The following PRDM6 variants were observed in gnomAD, a reference collection of about 807,000 sequenced individuals.
The protein encoded by PRDM6 is putative histone-lysine N-methyltransferase PRDM6.
In PRDM6, 25 loss-of-function variants were observed where a neutral mutation model predicts 60.8. That is an observed-to-expected ratio of 0.41 (90% confidence interval 0.30 to 0.57). The LOEUF (loss-of-function observed/expected upper bound fraction) is 0.57, where lower values mean the gene tolerates loss of function less well. Ranked by LOEUF, PRDM6 falls within the 20% of genes least tolerant of loss-of-function variation. The pLI is 0.27. For synonymous variants in PRDM6, 407 were observed against 357.4 expected, an observed-to-expected ratio of 1.14 and a Z score of -1.57; for missense variants, 839 against 821.3, an observed-to-expected ratio of 1.02 and a Z score of -0.26.
In PRDM6 at chr5:123,133,567, G is replaced by C. The variant is rs1009447516; in HGVS notation, c.901-22317G>C. Among the ~76,000 whole-genome samples the C allele has an allele frequency of 9.9e-5, 15 of 152,006 alleles. 1 individual carries two copies. The highest frequency in any genetic ancestry group is 2.2e-4 in the Non-Finnish European group (15 of 67,940). On this transcript the variant is annotated intron_variant, in intron 3 of 7. Coordinates refer to ENST00000407847, the MANE Select transcript of PRDM6 (RefSeq NM_001136239.4). The stretch of plus-strand genomic sequence containing the variant: ...TTAGCATGAACCTTTTGATAAATTG[G>C]ATCCTGATATTTACAAAATCTATTA...
At chr5:123,148,483 A>G (rs1191412922) in intron 3 of PRDM6, among the ~76,000 whole-genome samples, 1 of 152,182 alleles carries the variant, frequency 6.6e-6, no homozygotes, top group Non-Finnish European at 1.5e-5. Flanking sequence ...AATGTATAAT[A>G]TATATTTGAG....
intron 3 of PRDM6, among the ~76,000 whole-genome samples, chr5:123,111,524 C>G (rs1764311669): frequency 6.6e-6 from 1 of 152,168 alleles, no homozygotes; most frequent in African/African-American, 2.4e-5. Flanking sequence ...CGGTGAAACC[C>G]CGTCTTTACT....
Position 123,188,599 on chromosome 5 carries a change from G to A in PRDM6, c.*1398G>A, listed in dbSNP as rs1766339603. ...TAAAAACTGTTCAGTTTTATCTAGA[G>A]TGTTTAATAACAACAGTTTCTGTTT... On this transcript the variant is annotated 3_prime_UTR_variant, in exon 8 of 8. Transcript: ENST00000407847. 1 of 152,136 alleles carries A rather than the reference G, an allele frequency of 6.6e-6. No homozygotes were observed. Among genetic ancestry groups the A allele is most frequent in the African/African-American group, 2.4e-5 (1 of 41,426 alleles). 9.4% of individuals were successfully genotyped at this position (152,136 alleles called of 1,614,324 possible). A position where few individuals can be genotyped will look rare whatever the true frequency, so the allele number is the denominator to read the frequency against.
chr5:123,100,662 G>A (rs1764081899), intron 3 of PRDM6, among the ~76,000 whole-genome samples: 1 of 152,198 alleles, frequency 6.6e-6, no homozygotes, highest in South Asian at 2.1e-4. Flanking sequence ...CAAAACATGG[G>A]AACAGTGTGA....
chr5:123,122,544 G>T (rs1764604359), intron 3 of PRDM6, among the ~76,000 whole-genome samples: 1 of 152,052 alleles, frequency 6.6e-6, no homozygotes. Flanking sequence ...CTCGTTATAG[G>T]TGTTTTTCTG....
chr5:123,161,995 G>C (rs1765643200), intron 5 of PRDM6, among the ~76,000 whole-genome samples: 1 of 152,114 alleles, frequency 6.6e-6, no homozygotes, highest in African/African-American at 2.4e-5. Context: ...TTGGATTCTG[G>C]ATATGTTTTA....
Position 123,193,433 on chromosome 5 carries a change from C to T in PRDM6, c.*6232C>T, listed in dbSNP as rs1445497472. 1 of 152,224 alleles carries T rather than the reference C, an allele frequency of 6.6e-6. No individual in the cohort carries two copies. The highest frequency in any genetic ancestry group is 1.5e-5 in the Non-Finnish European group (1 of 68,030). 9.4% of individuals were successfully genotyped at this position (152,224 alleles called of 1,614,324 possible). On this transcript the variant is annotated 3_prime_UTR_variant, in exon 8 of 8. Transcript: ENST00000407847. ...CCAACCCACAGTCCCTGTTGATCCACATGTGGGCATTGTCTAATGTTAACA... is the reference window on the plus strand; with the variant it reads ...CCAACCCACAGTCCCTGTTGATCCATATGTGGGCATTGTCTAATGTTAACA...
In PRDM6 at chr5:123,090,300, T is replaced by TCCTCCTGCGCTGCTGCGG. The variant is rs1318098271; in HGVS notation, c.286_287insCCTCCTGCGCTGCTGCGG (p.Cys96delinsSerSerCysAlaAlaAlaGly). ...CACCTCCGCCTCCTCCGCCTCCTCCTGCGCTGCTGCGGCCGCTGCCGCCGC... is the reference window on the plus strand; with the variant it reads ...CACCTCCGCCTCCTCCGCCTCCTCCTCCTCCTGCGCTGCTGCGGGCGCTGCTGCGGCCGCTGCCGCCGC... On this transcript the variant is annotated protein_altering_variant, in exon 2 of 8. Transcript: ENST00000407847. 1.0e-5 allele frequency: 11 copies of TCCTCCTGCGCTGCTGCGG among 1,101,314 alleles called. No individual in the cohort carries two copies. The African/African-American group carries it at 2.0e-4, about 20-fold the overall frequency. The allele number at this position is 1,101,314 out of a possible 1,614,324, so 68.2% of individuals were successfully genotyped here. A position where few individuals can be genotyped will look rare whatever the true frequency, so the allele number is the denominator to read the frequency against.
chr5:123,167,358 C>G (rs1765774660), intron 5 of PRDM6, among the ~76,000 whole-genome samples: 1 of 151,400 alleles, frequency 6.6e-6, no homozygotes, highest in African/African-American at 2.4e-5. Flanking sequence ...GTTATGTGAC[C>G]TTAACAATTT....
At chr5:123,159,480 A>G in intron 4 of PRDM6, 34 bp from the exon 5 acceptor site, 1 of 1,548,360 alleles carries the variant, frequency 6.5e-7, no homozygotes, top group Non-Finnish European at 8.7e-7. Context: ...AGTCCTATGT[A>G]TTACTAAGCT....
chr5:123,128,769 A>G (rs1252186243), intron 3 of PRDM6, among the ~76,000 whole-genome samples: 6 of 152,090 alleles, frequency 3.9e-5, no homozygotes, highest in Non-Finnish European at 8.8e-5. Flanking sequence ...TCTTTAGTTT[A>G]ATTAGATCCC....
chr5:123,182,464 T>C (rs925869965), intron 7 of PRDM6, among the ~76,000 whole-genome samples: 3 of 152,172 alleles, frequency 2.0e-5, no homozygotes, highest in Non-Finnish European at 4.4e-5. Flanking sequence ...GTAAATAGAT[T>C]TTAGTAATTA....
At chr5:123,128,981 T>G (rs554454495) in intron 3 of PRDM6, among the ~76,000 whole-genome samples, 2 of 152,366 alleles carry the variant, frequency 1.3e-5, no homozygotes, top group South Asian at 4.1e-4. Context: ...TTTCTACATA[T>G]AGCTAGCCAG....
At chr5:123,181,198 G>A (rs926228560) in intron 7 of PRDM6, among the ~76,000 whole-genome samples, 2 of 152,152 alleles carry the variant, frequency 1.3e-5, no homozygotes, top group Non-Finnish European at 2.9e-5. Flanking sequence ...GAGATACAAA[G>A]GTGAATGACA....
intron 2 of PRDM6, among the ~76,000 whole-genome samples, chr5:123,090,852 C>G (rs1763823541): frequency 1.3e-5 from 2 of 152,242 alleles, no homozygotes; most frequent in South Asian, 2.1e-4. Context: ...CCTCCCTCTC[C>G]TCACCTGCTT....
intron 3 of PRDM6, among the ~76,000 whole-genome samples, chr5:123,152,506 A>G (rs35171828): frequency 0.025 from 3,837 of 152,312 alleles, 66 homozygotes; most frequent in Middle Eastern, 0.058. Context: ...GAGAGCCACT[A>G]GTTTGCAAAG....
intron 6 of PRDM6, among the ~76,000 whole-genome samples, chr5:123,172,774 T>G (rs1237303332): frequency 6.6e-6 from 1 of 152,250 alleles, no homozygotes; most frequent in Non-Finnish European, 1.5e-5. Context: ...AGTAGAACTT[T>G]AAAAGTTTAG....
chr5:123,163,013 A>G (rs903054940), intron 5 of PRDM6, among the ~76,000 whole-genome samples: 2 of 152,316 alleles, frequency 1.3e-5, no homozygotes, highest in South Asian at 4.1e-4. Context: ...TGGATTAGCA[A>G]TTCCAAGACA....
At chr5:123,163,505 T>C (rs1013082317) in intron 5 of PRDM6, among the ~76,000 whole-genome samples, 2 of 152,208 alleles carry the variant, frequency 1.3e-5, no homozygotes, top group Non-Finnish European at 2.9e-5. Flanking sequence ...AGACAGCAGT[T>C]CACACAGGCA....
Sources: gnomAD v4.1 joint callset for allele counts (sites outside exome capture counted in the v4.1 genomes callset) on GRCh38, gnomAD v4.1.1 for gene constraint, MANE v1.5 for transcripts, NCBI Gene and HGNC (gene_info 2026-07-23, HGNC 2026-07-21) for gene names.